The following ABCA12 variants were observed in gnomAD, a reference collection of about 807,000 sequenced individuals.
ABCA12 encodes ATP binding cassette subfamily A member 12.
In ABCA12, 156 loss-of-function variants were observed where a neutral mutation model predicts 293.5. The observed-to-expected ratio is 0.53, with a 90% CI of 0.47 to 0.61. The LOEUF is 0.61. ABCA12 is among the 20% of genes least tolerant of loss of function. The probability of loss-of-function intolerance (pLI) is 0.00; values close to 1 mark genes in which losing one functional copy is unlikely to be tolerated. For synonymous variants in ABCA12, 1,063 were observed against 1,108.0 expected (o/e 0.96, Z 0.81); for missense variants, 2,797 against 3,090.2 (o/e 0.91, Z 2.25).
At chr2:215,078,134 T>A (rs1253459268) in intron 2 of ABCA12, among the ~76,000 whole-genome samples, 2 of 152,238 alleles carry the variant, frequency 1.3e-5, no homozygotes, top group Non-Finnish European at 2.9e-5. Flanking sequence ...AAAAAACAGG[T>A]TAGCCATTAG....
intron 18 of ABCA12, 131 bp from the exon 19 acceptor site, chr2:215,007,977 T>C: frequency 8.4e-7 from 1 of 1,187,760 alleles, no homozygotes; most frequent in Non-Finnish European, 1.2e-6. Flanking sequence ...TACAAACAAT[T>C]GTCAGAAATT....
chr2:215,034,737 A>G (rs1285610712), intron 8 of ABCA12, among the ~76,000 whole-genome samples: 1 of 152,250 alleles, frequency 6.6e-6, no homozygotes, highest in Non-Finnish European at 1.5e-5. Context: ...TTCTTTGTCT[A>G]TAAAATGGGA....
rs767229674 is a variant in ABCA12 at position 214,956,740 on chromosome 2, G to A, written c.6156C>T (p.Ile2052=). ...YLVPVAFSIG[I]IAIFKLPAFY... Reference sequence around the variant, plus strand: ...ATGCAGGTAATTTGAAAATCGCAATGATACCAATTGAAAACGCTACAGGCA... The same window carrying A: ...ATGCAGGTAATTTGAAAATCGCAATAATACCAATTGAAAACGCTACAGGCA... Residue 2052 remains isoleucine, a synonymous_variant, in exon 42 of 53, where the codon ATC becomes ATT. Transcript: ENST00000272895. 20 of 1,612,852 alleles carry A rather than the reference G, an allele frequency of 1.2e-5. No individual in the cohort carries two copies. In the Admixed American group the frequency reaches 2.8e-4, roughly 23 times the overall value.
intron 2 of ABCA12, among the ~76,000 whole-genome samples, chr2:215,090,625 G>A (rs529080749): frequency 2.0e-5 from 3 of 152,080 alleles, no homozygotes; most frequent in South Asian, 4.2e-4. Flanking sequence ...TCTTCCCTTG[G>A]TATCTAATCA....
At chr2:214,950,340 GTATATGTGTGTGTATATATA>G (rs1416023850) in intron 45 of ABCA12, among the ~76,000 whole-genome samples, 58 of 150,178 alleles carry the variant, frequency 3.9e-4, no homozygotes, top group Admixed American at 1.2e-3. Context: ...ATATATATGT[GTATATGTGTGTGTATATATA>G]TATATGTGTG....
intron 1 of ABCA12, among the ~76,000 whole-genome samples, chr2:215,114,163 C>T (rs149225822): frequency 0.038 from 5,752 of 152,086 alleles, 134 homozygotes; most frequent in South Asian, 0.066. Context: ...TTAGTAGAGA[C>T]GGGGTCTCAC....
At position 215,092,826 on chromosome 2, in the gene ABCA12, T is replaced by C. The variant is rs1193558496; in HGVS notation, c.163+18771A>G. Among the ~76,000 whole-genome samples, 5 of 152,318 alleles carry C rather than the reference T, an allele frequency of 3.3e-5. No individual in the cohort carries two copies. The East Asian group carries it at 7.7e-4, about 24-fold the overall frequency. On this transcript the variant is annotated intron_variant, in intron 2 of 52. Transcript: ENST00000272895. ...CCCTCCACAACCCATTATTCTGTTA[T>C]GGATCTCAAACATGCTTCCTTTACT...
At chr2:215,007,968 AC>A in intron 18 of ABCA12, 122 bp from the exon 19 acceptor site, 1 of 1,277,784 alleles carries the variant, frequency 7.8e-7, no homozygotes, top group Non-Finnish European at 1.1e-6. Context: ...TGAAGTTAGT[AC>A]AAACAATTGT....
rs755759647 is a variant in ABCA12, at chr2:215,046,013, T to G, written c.696A>C (p.Leu232=). ...TCTTCTGATTGTTGGGGTCACTGGA[T>G]AGCTTAAAATATAAAACCACAAACA... ...LQELNKQFSQ[L]SSDPNNQKIV... The change falls in exon 7 of 53, where the codon CTA becomes CTC. Residue 232 remains leucine, a splice_region_variant and synonymous_variant. Coordinates refer to ENST00000272895, the MANE Select transcript of ABCA12 (RefSeq NM_173076.3). 1 of 1,613,296 alleles carries G rather than the reference T, an allele frequency of 6.2e-7. No individual in the cohort carries two copies. The highest frequency in any genetic ancestry group is 8.5e-7 in the Non-Finnish European group (1 of 1,179,638).
chr2:214,960,438 T>C (rs1276107097), intron 39 of ABCA12: 1 of 151,960 alleles, frequency 6.6e-6, no homozygotes, highest in Non-Finnish European at 1.5e-5. Context: ...TGCAAATACA[T>C]TTTACTCCAC....
intron 3 of ABCA12, among the ~76,000 whole-genome samples, chr2:215,062,598 C>T (rs1178161616): frequency 6.6e-6 from 1 of 152,014 alleles, no homozygotes; most frequent in Non-Finnish European, 1.5e-5. Flanking sequence ...TTCCTCATCC[C>T]TTGCCATATT....
intron 1 of ABCA12, among the ~76,000 whole-genome samples, chr2:215,115,499 A>G (rs1702666558): frequency 6.6e-6 from 1 of 152,170 alleles, no homozygotes; most frequent in Non-Finnish European, 1.5e-5. Flanking sequence ...CACAGGAGCT[A>G]CTGGAGATGT....
intron 1 of ABCA12, among the ~76,000 whole-genome samples, chr2:215,136,781 A>G (rs1457730063): frequency 6.6e-6 from 1 of 152,168 alleles, no homozygotes; most frequent in Non-Finnish European, 1.5e-5. Flanking sequence ...TACTTCCCCC[A>G]ATGAGTTAGA....
chr2:215,010,570 A>T, intron 17 of ABCA12, 100 bp from the exon 18 acceptor site: 1 of 1,317,050 alleles, frequency 7.6e-7, no homozygotes, highest in Non-Finnish European at 1.1e-6. Flanking sequence ...ACCCAAAAAT[A>T]CATGCTCTAG....
At chr2:215,018,773 A>G (rs1700560774) in intron 13 of ABCA12, among the ~76,000 whole-genome samples, 1 of 152,180 alleles carries the variant, frequency 6.6e-6, no homozygotes, top group Non-Finnish European at 1.5e-5. Context: ...CCATCTAAGT[A>G]TCCTTCATGC....
At chr2:215,133,801 GC>G (rs1410687636) in intron 1 of ABCA12, among the ~76,000 whole-genome samples, 1 of 152,058 alleles carries the variant, frequency 6.6e-6, no homozygotes, top group Non-Finnish European at 1.5e-5. Flanking sequence ...GGCCTCCTTA[GC>G]AGATATTATC....
At chr2:214,947,791 C>T (rs576784503) in intron 47 of ABCA12, 2 of 526,372 alleles carry the variant, frequency 3.8e-6, no homozygotes, top group South Asian at 2.1e-5. Context: ...GATTCCCTCC[C>T]CCACCAAACG....
Position 215,138,239 on chromosome 2 carries a change from C to G in ABCA12, c.-31G>C, listed in dbSNP as rs1703273837. On this transcript the variant is annotated 5_prime_UTR_variant, in exon 1 of 53. Transcript: ENST00000272895. ...AAATGCCCCAAATGAGAGATTTCCT[C>G]TTCTTTTCTCCACTCCACAAATGAA... 6.2e-7 allele frequency: 1 copy of G among 1,611,044 alleles called. No homozygotes were observed. The highest frequency in any genetic ancestry group is 8.5e-7 in the Non-Finnish European group (1 of 1,177,244).
At position 214,945,027 on chromosome 2, in the gene ABCA12, T is replaced by C. The variant is rs1299216744; in HGVS notation, c.7317A>G (p.Lys2439=). The C allele has an allele frequency of 1.2e-6, 2 of 1,613,586 alleles. No homozygotes were observed. Among genetic ancestry groups the C allele is most frequent in the African/African-American group, 2.7e-5 (2 of 74,892 alleles). The change falls in exon 49 of 53, where the codon AAA becomes AAG. Residue 2439 remains lysine (K), a synonymous_variant. Transcript: ENST00000272895. ...WKIISEEVQN[K]CSVILTSHSM... ...TGTGAGATGTGAGGATGACGGAACATTTGTTCTGTACTTCTTCTGAAATGA... is the reference window on the plus strand; with the variant it reads ...TGTGAGATGTGAGGATGACGGAACACTTGTTCTGTACTTCTTCTGAAATGA...
Sources: allele counts gnomAD v4.1 joint callset (sites outside exome capture counted in the v4.1 genomes callset), GRCh38; gene constraint gnomAD v4.1.1; transcripts MANE v1.5; gene names NCBI Gene and HGNC (gene_info 2026-07-23, HGNC 2026-07-21).